The following GATAD2B variants were observed in gnomAD, a reference collection of about 807,000 sequenced individuals.
GATAD2B encodes transcriptional repressor p66-beta.
Under a neutral mutation model 64.3 loss-of-function variants are expected in GATAD2B, and 8 were observed. The ratio of observed to expected loss-of-function variants is 0.12; its 90% CI spans 0.07 to 0.22. The LOEUF is 0.22. Ranked by LOEUF, GATAD2B falls within the 10% of genes least tolerant of loss-of-function variation. GATAD2B has a pLI of 1.00. For missense variants in GATAD2B, 453 were observed against 752.0 expected (o/e 0.60, Z 4.65); for synonymous variants, 281 against 271.3 (o/e 1.04, Z -0.35).
rs147824603 is a variant in GATAD2B, at chr1:153,862,389, C to T, written c.-1-34041G>A. ...CCGCCCGCCTCAACCTCCCAAAGTG[C>T]CAGGATTACAGGCATGAGCCATCAC... On this transcript the variant is annotated intron_variant, in intron 1 of 10. Transcript: ENST00000368655. Among the ~76,000 whole-genome samples, 391 of 152,102 alleles carry T rather than the reference C, an allele frequency of 2.6e-3. 1 individual carries two copies. Among genetic ancestry groups the T allele is most frequent in the African/African-American group, 9.2e-3 (380 of 41,500 alleles).
intron 4 of GATAD2B, 139 bp from the exon 5 acceptor site, chr1:153,818,310 T>C (rs1321656051): frequency 1.7e-6 from 1 of 583,548 alleles, no homozygotes; most frequent in Non-Finnish European, 2.7e-6. Flanking sequence ...GGAGTCAAGG[T>C]TTTCTTTTTT....
At chr1:153,901,978 CAAA>C (rs35731326) in intron 1 of GATAD2B, among the ~76,000 whole-genome samples, 46 of 92,322 alleles carry the variant, frequency 5.0e-4, no homozygotes, top group South Asian at 1.7e-3. Flanking sequence ...GACTCCGTCT[CAAA>C]AAAAAAAAAA....
At chr1:153,833,944 G>C (rs1675171050) in intron 1 of GATAD2B, among the ~76,000 whole-genome samples, 1 of 151,796 alleles carries the variant, frequency 6.6e-6, no homozygotes, top group Non-Finnish European at 1.5e-5. Context: ...TTTGAGACTG[G>C]CCTGGGCAAC....
chr1:153,862,321 C>T (rs188135635), intron 1 of GATAD2B, among the ~76,000 whole-genome samples: 1 of 151,964 alleles, frequency 6.6e-6, no homozygotes, highest in Non-Finnish European at 1.5e-5. Context: ...CGGGGTTTCA[C>T]CATGTTGGCC....
chr1:153,836,517 C>A (rs368280402), intron 1 of GATAD2B, among the ~76,000 whole-genome samples: 2 of 149,754 alleles, frequency 1.3e-5, no homozygotes. Context: ...TCCCAAAGTG[C>A]TGGGATTACA....
chr1:153,815,081 C>CTAAAA (rs1674409859), intron 7 of GATAD2B, among the ~76,000 whole-genome samples: 1 of 25,374 alleles, frequency 3.9e-5, no homozygotes, highest in Non-Finnish European at 6.1e-5. Flanking sequence ...GACTCTGTCT[C>CTAAAA]AAAAAAAAAA....
chr1:153,842,544 A>T (rs996605292), intron 1 of GATAD2B, among the ~76,000 whole-genome samples: 9 of 55,096 alleles, frequency 1.6e-4, no homozygotes, highest in Non-Finnish European at 4.5e-4. Context: ...GTAATCATTA[A>T]TAATATATAG....
rs775919222 is a variant in GATAD2B at position 153,817,589 on chromosome 1, T to C, written c.730-47A>G. 33 of 1,384,250 alleles carry C rather than the reference T, an allele frequency of 2.4e-5. No homozygotes were observed. In the South Asian group the frequency reaches 4.9e-4, roughly 21 times the overall value. 85.7% of individuals were successfully genotyped at this position (1,384,250 alleles called of 1,614,324 possible). ...AGAACTAATCACAGGTTGTACGCTGTGTATAATACAGCACAAAATGCAAAA... is the reference window on the plus strand; with the variant it reads ...AGAACTAATCACAGGTTGTACGCTGCGTATAATACAGCACAAAATGCAAAA... On this transcript the variant is annotated intron_variant, in intron 5 of 10. Transcript: ENST00000368655.
At chr1:153,819,469 G>T in intron 3 of GATAD2B, 137 bp downstream of exon 3, 2 of 603,898 alleles carry the variant, frequency 3.3e-6, no homozygotes, top group Non-Finnish European at 5.6e-6. Flanking sequence ...TTGAAGTCAA[G>T]AGTTACTATA....
chr1:153,842,330 T>C (rs1359666895), intron 1 of GATAD2B, among the ~76,000 whole-genome samples: 1 of 152,260 alleles, frequency 6.6e-6, no homozygotes, highest in Non-Finnish European at 1.5e-5. Context: ...CTGTTCCTTT[T>C]TACTGTTGAG....
rs781015887 is a variant in GATAD2B at position 153,817,453 on chromosome 1, T to C, written c.819A>G (p.Leu273=). The C allele has an allele frequency of 6.2e-7, 1 of 1,613,468 alleles. No individual in the cohort carries two copies. The highest frequency in any genetic ancestry group is 1.7e-4 in the Middle Eastern group (1 of 6,052). The change falls in exon 6 of 11, where the codon CTA becomes CTG. Residue 273 remains leucine, a synonymous_variant. Coordinates refer to ENST00000368655, the MANE Select transcript of GATAD2B (RefSeq NM_020699.4). ...GCTTAGGCGGGCCCCGCTGACCCTG[T>C]AGCTGGGCTGGGTTTGGTGCAATAA... The part of the protein sequence containing the change: ...QRVIAPNPAQ[L]QGQRGPPKPG...
At position 153,805,653 on chromosome 1, in the gene GATAD2B, A is replaced by C. The variant is rs1674090150; in HGVS notation, c.*4524T>G. 6.6e-6 allele frequency: 1 copy of C among 152,088 alleles called. No homozygotes were observed. Among genetic ancestry groups the C allele is most frequent in the Admixed American group, 6.6e-5 (1 of 15,266 alleles). The allele number at this position is 152,088 out of a possible 1,614,324, so 9.4% of individuals were successfully genotyped here. On this transcript the variant is annotated 3_prime_UTR_variant, in exon 11 of 11. Transcript: ENST00000368655. The stretch of plus-strand genomic sequence containing the variant: ...CTGGGCCCAACACTTTCCTCACCTC[A>C]AGTTGTTTTTTGGTTTTGGCAGGTG...
chr1:153,881,053 A>G (rs550100113), intron 1 of GATAD2B, among the ~76,000 whole-genome samples: 1 of 152,170 alleles, frequency 6.6e-6, no homozygotes, highest in East Asian at 1.9e-4. Context: ...CTTGTCCATC[A>G]GCCCAAGCAA....
At chr1:153,863,427 T>C (rs1358291404) in intron 1 of GATAD2B, among the ~76,000 whole-genome samples, 2 of 148,868 alleles carry the variant, frequency 1.3e-5, no homozygotes, top group African/African-American at 5.0e-5. Context: ...ACCCAGGAGG[T>C]GGAGGTTGCA....
intron 1 of GATAD2B, among the ~76,000 whole-genome samples, chr1:153,851,734 C>T (rs970617692): frequency 6.6e-6 from 1 of 152,086 alleles, no homozygotes; most frequent in Non-Finnish European, 1.5e-5. Flanking sequence ...AAGAGGCCTG[C>T]TCAGATCATA....
At chr1:153,839,036 G>A (rs1210499737) in intron 1 of GATAD2B, among the ~76,000 whole-genome samples, 1 of 146,830 alleles carries the variant, frequency 6.8e-6, no homozygotes. Context: ...TTGAACCTGG[G>A]AGGCAGAGGT....
chr1:153,833,610 T>C (rs1166444995), intron 1 of GATAD2B, among the ~76,000 whole-genome samples: 1 of 151,430 alleles, frequency 6.6e-6, no homozygotes, highest in East Asian at 1.9e-4. Context: ...AGGTCAAGAG[T>C]TCGAGACCAG....
intron 1 of GATAD2B, among the ~76,000 whole-genome samples, chr1:153,841,888 C>T (rs1347223395): frequency 6.6e-6 from 1 of 152,130 alleles, no homozygotes; most frequent in Admixed American, 6.6e-5. Context: ...GTAGCTATAC[C>T]ATCATATATT....
intron 1 of GATAD2B, chr1:153,852,153 T>G (rs945873594): frequency 2.7e-6 from 2 of 750,188 alleles, no homozygotes; most frequent in Non-Finnish European, 4.6e-6. Context: ...TGTCCATCTC[T>G]GCACTTTGGT....
Sources: gnomAD v4.1 joint callset for allele counts (sites outside exome capture counted in the v4.1 genomes callset) on GRCh38, gnomAD v4.1.1 for gene constraint, MANE v1.5 for transcripts, NCBI Gene and HGNC (gene_info 2026-07-23, HGNC 2026-07-21) for gene names.